Variants in MDN1 observed in about 807,000 individuals in gnomAD.
MDN1 encodes midasin.
Under a neutral mutation model 669.2 loss-of-function variants are expected in MDN1, and 266 were observed. The observed-to-expected ratio is 0.40, with a 90% CI of 0.36 to 0.44. MDN1 has a LOEUF of 0.44. MDN1 is among the 20% of genes least tolerant of loss of function. The pLI, the probability that MDN1 is intolerant of heterozygous loss-of-function variation, is 1.00. For synonymous variants in MDN1, 2,385 were observed against 2,457.1 expected, an observed-to-expected ratio of 0.97 and a Z score of 0.87; for missense variants, 5,940 against 6,754.0, an observed-to-expected ratio of 0.88 and a Z score of 4.22.
At chr6:89,731,107 A>C (rs1815567426) in intron 34 of MDN1, among the ~76,000 whole-genome samples, 184 bp from the exon 35 acceptor site, 1 of 152,206 alleles carries the variant, frequency 6.6e-6, no homozygotes, top group African/African-American at 2.4e-5. Flanking sequence ...CAATCTATGG[A>C]TTATCAATTA....
rs1554199821 is a variant in MDN1, at chr6:89,796,341, A to AAAAC, written c.330-1541_330-1540insGTTT. ...CTCTGTCTCAAAAAAAAAAAAAAAA[A>AAAAC]AAAAAAAAACAAAAAAAAAAACCAA... On this transcript the variant is annotated intron_variant, in intron 2 of 101. Coordinates refer to ENST00000369393, the MANE Select transcript of MDN1 (RefSeq NM_014611.3). 3.2e-3 allele frequency among the ~76,000 whole-genome samples: 351 copies of AAAAC among 110,198 alleles called. 24 individuals are homozygous for AAAAC. The highest frequency in any genetic ancestry group is 7.4e-3 in the African/African-American group (196 of 26,516). The allele number at this position is 110,198 out of a possible 152,430, so 72.3% of individuals were successfully genotyped here.
chr6:89,741,304 T>C (rs911096315), intron 31 of MDN1, among the ~76,000 whole-genome samples: 1 of 151,818 alleles, frequency 6.6e-6, no homozygotes, highest in Non-Finnish European at 1.5e-5. Flanking sequence ...AAATTATGAG[T>C]GAGAAAAAAG....
In MDN1 at chr6:89,700,064, T is replaced by G. The variant is rs554913842; in HGVS notation, c.8869A>C (p.Arg2957=). The G allele has an allele frequency of 6.2e-7, 1 of 1,613,686 alleles. No individual in the cohort carries two copies. Among genetic ancestry groups the G allele is most frequent in the Admixed American group, 1.7e-5 (1 of 60,020 alleles). The change falls in exon 57 of 102, where the codon AGA becomes CGA. Residue 2957 remains arginine, a splice_region_variant and synonymous_variant. Coordinates refer to ENST00000369393, the MANE Select transcript of MDN1 (RefSeq NM_014611.3). The part of the protein sequence containing the change: ...ADFMAQACLR[R]CSKNQQPQIN... ...AAAACAACTGAAAGCATGGTTTACC[T>G]TCTGAGACAAGCTTGTGCCATAAAA...
intron 26 of MDN1, among the ~76,000 whole-genome samples, chr6:89,747,718 C>A (rs1021147065): frequency 6.7e-6 from 1 of 150,120 alleles, no homozygotes; most frequent in African/African-American, 2.5e-5. Context: ...GGTGAAACCC[C>A]GTCTCTACTA....
At chr6:89,662,054 C>A (rs1562049786) in intron 87 of MDN1, 33 bp downstream of exon 87, 3 of 1,594,786 alleles carry the variant, frequency 1.9e-6, no homozygotes, top group South Asian at 2.3e-5. Context: ...GGCCTTGAGT[C>A]AAGAGAGCGG....
chr6:89,658,178 A>T (rs775833639), intron 90 of MDN1, 31 bp downstream of exon 90: 1 of 1,612,706 alleles, frequency 6.2e-7, no homozygotes, highest in Non-Finnish European at 8.5e-7. Context: ...ACTAAGAGGC[A>T]GCTGGCGGCT....
Position 89,674,591 on chromosome 6 carries a change from T to C in MDN1, c.12762-2A>G. 1 of 1,531,170 alleles carries C rather than the reference T, an allele frequency of 6.5e-7. No homozygotes were observed. Among genetic ancestry groups the C allele is most frequent in the Non-Finnish European group, 8.7e-7 (1 of 1,146,670 alleles). The allele number at this position is 1,531,170 out of a possible 1,614,324, so 94.8% of individuals were successfully genotyped here. On this transcript the variant is annotated splice_acceptor_variant, in intron 78 of 101. Coordinates refer to ENST00000369393, the MANE Select transcript of MDN1 (RefSeq NM_014611.3). LOFTEE classifies it high-confidence loss of function. ...TCTTGCACACAGCTGAGGAGGTTCC[T>C]GTACAGAGAAACCCATGGGAAAAAC...
In MDN1 at chr6:89,686,915, T is replaced by G; in HGVS notation, c.11559A>C (p.Thr3853=). The change falls in exon 69 of 102, where the codon ACA becomes ACC. Residue 3853 remains threonine (T), a synonymous_variant. Transcript: ENST00000369393. ...QMLEKHMQEQ[T]EEQEDDKQMT... Reference sequence around the variant, plus strand: ...GCTAGGCATTACCTTCCTGTTCTTCTGTTTGTTCCTGCATGTGCTTCTCAA... The same window carrying G: ...GCTAGGCATTACCTTCCTGTTCTTCGGTTTGTTCCTGCATGTGCTTCTCAA... The G allele has an allele frequency of 6.2e-7, 1 of 1,613,908 alleles. No homozygotes were observed. The highest frequency in any genetic ancestry group is 8.5e-7 in the Non-Finnish European group (1 of 1,179,968).
chr6:89,670,268 G>A (rs1275720196), intron 83 of MDN1, among the ~76,000 whole-genome samples: 3 of 142,874 alleles, frequency 2.1e-5, no homozygotes, highest in African/African-American at 5.2e-5. Flanking sequence ...CCGCCTCCCC[G>A]GGTTCAAACA....
intron 5 of MDN1, among the ~76,000 whole-genome samples, chr6:89,791,950 C>G (rs1324396090): frequency 7.1e-6 from 1 of 141,832 alleles, no homozygotes; most frequent in Middle Eastern, 3.9e-3. Context: ...TCACTGAAAG[C>G]TCCGCCTCCC....
chr6:89,679,266 A>T (rs1005324150), intron 74 of MDN1, among the ~76,000 whole-genome samples: 2 of 152,188 alleles, frequency 1.3e-5, no homozygotes, highest in African/African-American at 4.8e-5. Flanking sequence ...TCACTATCTG[A>T]AGGCCATGTG....
chr6:89,811,163 T>C (rs1056749584), intron 1 of MDN1, among the ~76,000 whole-genome samples: 3 of 152,174 alleles, frequency 2.0e-5, no homozygotes, highest in Non-Finnish European at 2.9e-5. Context: ...GTATTCTGCA[T>C]GAATACTACT....
rs751797459 is a variant in MDN1 at position 89,718,390 on chromosome 6, T to C, written c.6559A>G (p.Lys2187Glu). The C allele has an allele frequency of 1.7e-5, 27 of 1,613,878 alleles. No homozygotes were observed. The highest frequency in any genetic ancestry group is 2.3e-5 in the Non-Finnish European group (27 of 1,180,032). Residue 2187 changes from lysine to glutamate, a missense_variant, in exon 43 of 102, where the codon AAA becomes GAA. Coordinates refer to ENST00000369393, the MANE Select transcript of MDN1 (RefSeq NM_014611.3). ...CCTGCCTTGCAGTATGAGTTGATTTTATTGTTGAGTCGCTGCATAAGCAAT... is the reference window on the plus strand; with the variant it reads ...CCTGCCTTGCAGTATGAGTTGATTTCATTGTTGAGTCGCTGCATAAGCAAT... ...VLLLMQRLNN[K>E]INSYCKAEFA...
chr6:89,758,824 C>G lies in MDN1; in HGVS notation c.2597G>C (p.Gly866Ala). ...SSGSLVLLDR[G>A]DTEPLVRHPD... ...AGGGATTCAAGTGCTACCTGTGTCT[C>G]CTCGATCCAGCAACACCAGGGATCC... Residue 866 changes from glycine (G) to alanine (A), a missense_variant, in exon 18 of 102, where the codon GGA (glycine) becomes GCA (alanine). Physicochemically the swap from Gly to Ala is moderately conservative, Grantham distance 60. This residue lies in a region of MDN1 where 1,203 missense variants were observed against 1,268.9 expected (regional missense o/e 0.95). Transcript: ENST00000369393. 1 of 1,614,114 alleles carries G rather than the reference C, an allele frequency of 6.2e-7. No individual in the cohort carries two copies. The highest frequency in any genetic ancestry group is 8.5e-7 in the Non-Finnish European group (1 of 1,180,026).
At position 89,643,394 on chromosome 6, in the gene MDN1, A is replaced by G. The variant is rs1808286660; in HGVS notation, c.*611T>C. ...TACACAGCCCAAGGATCGTTTTTAT[A>G]GATGACCTGGGCACCTATAATGTCC... On this transcript the variant is annotated 3_prime_UTR_variant, in exon 102 of 102. Coordinates refer to ENST00000369393, the MANE Select transcript of MDN1 (RefSeq NM_014611.3). The G allele has an allele frequency of 6.6e-6, 1 of 152,228 alleles. No homozygotes were observed. The highest frequency in any genetic ancestry group is 6.5e-5 in the Admixed American group (1 of 15,282). 9.4% of individuals were successfully genotyped at this position (152,228 alleles called of 1,614,324 possible).
At chr6:89,696,041 G>A (rs1812716652) in intron 60 of MDN1, 49 bp from the exon 61 acceptor site, 2 of 1,546,490 alleles carry the variant, frequency 1.3e-6, no homozygotes, top group Admixed American at 3.9e-5. Flanking sequence ...GTATCAAAAA[G>A]CATTCCTTTT....
At position 89,662,956 on chromosome 6, in the gene MDN1, C is replaced by T. The variant is rs1330141424; in HGVS notation, c.14248G>A (p.Glu4750Lys). 3 of 1,613,892 alleles carry T rather than the reference C, an allele frequency of 1.9e-6. No homozygotes were observed. In the African/African-American group the frequency reaches 4.0e-5, roughly 22 times the overall value. Reference protein sequence around the residue: ...GELEEQEEDDEKSDSEGGDLD... With the variant: ...GELEEQEEDDKKSDSEGGDLD... ...TCTCCGCCCTCACTATCTGATTTCT[C>T]ATCATCCTCTTCTGAAAGGGAAGGC... Residue 4750 changes from glutamate (E) to lysine (K), a missense_variant, in exon 86 of 102, where the codon GAG becomes AAG. Around this residue, in one of 5 missense-constraint regions of MDN1, gnomAD observed 2,280 missense variants for 2,576.3 expected, o/e 0.88. Coordinates refer to ENST00000369393, the MANE Select transcript of MDN1 (RefSeq NM_014611.3).
chr6:89,685,671 T>A (rs1811955402), intron 70 of MDN1, among the ~76,000 whole-genome samples, 156 bp downstream of exon 70: 1 of 152,236 alleles, frequency 6.6e-6, no homozygotes, highest in Non-Finnish European at 1.5e-5. Context: ...ACTTTGAATG[T>A]TCTTCTCTAT....
chr6:89,693,014 T>G lies in MDN1; in HGVS notation c.10016A>C (p.Lys3339Thr), dbSNP rs1812479646. ...EIHHYVTSIAKAPAVQDLLTR... is the reference protein window; with the variant it reads ...EIHHYVTSIATAPAVQDLLTR... The stretch of plus-strand genomic sequence containing the variant: ...GAGCAGATCCTGAACAGCAGGGGCC[T>G]TGGCGATGCTGGTGACGTAGTGGTG... Residue 3339 changes from lysine to threonine, a missense_variant, in exon 63 of 102, where the codon AAG becomes ACG. Around this residue, in one of 5 missense-constraint regions of MDN1, gnomAD observed 150 missense variants for 234.2 expected, o/e 0.64. Coordinates refer to ENST00000369393, the MANE Select transcript of MDN1 (RefSeq NM_014611.3). 1.9e-6 allele frequency: 3 copies of G among 1,614,196 alleles called. No individual in the cohort carries two copies. The highest frequency in any genetic ancestry group is 1.3e-5 in the African/African-American group (1 of 75,062).
Sources: allele counts gnomAD v4.1 joint callset (sites outside exome capture counted in the v4.1 genomes callset), GRCh38; gene constraint gnomAD v4.1.1; regional missense constraint gnomAD v4.1.1; transcripts MANE v1.5; gene names NCBI Gene and HGNC (gene_info 2026-07-23, HGNC 2026-07-21).